Variants in SHISA9 observed in about 807,000 individuals in gnomAD.
The protein encoded by SHISA9 is shisa family member 9.
Under a neutral mutation model 38.0 loss-of-function variants are expected in SHISA9, and 13 were observed. The ratio of observed to expected loss-of-function variants is 0.34; its 90% CI spans 0.22 to 0.54. The LOEUF (loss-of-function observed/expected upper bound fraction) is 0.54, where lower values mean the gene tolerates loss of function less well. Among genes scored for constraint, SHISA9 ranks in the 20% least tolerant of loss-of-function variants. The probability of loss-of-function intolerance (pLI) is 0.91; values close to 1 mark genes in which losing one functional copy is unlikely to be tolerated. For missense variants in SHISA9, 538 were observed against 575.8 expected (o/e 0.93, Z 0.67); for synonymous variants, 275 against 242.0 (o/e 1.14, Z -1.27).
chr16:13,422,898 C>G, the SHISA9 span, among the ~76,000 whole-genome samples: 2 of 152,160 alleles, frequency 1.3e-5, no homozygotes, highest in African/African-American at 4.8e-5. Flanking sequence ...CACGTGAGAG[C>G]TAAGATTCCT....
At chr16:12,905,010 GC>G (rs1248854527) in intron 1 of SHISA9, among the ~76,000 whole-genome samples, 1 of 152,116 alleles carries the variant, frequency 6.6e-6, no homozygotes, top group Non-Finnish European at 1.5e-5. Context: ...GAGCCACTGT[GC>G]CCGATTGCAT....
At chr16:13,382,012 A>G in the SHISA9 span, among the ~76,000 whole-genome samples, 2 of 152,228 alleles carry the variant, frequency 1.3e-5, no homozygotes, top group African/African-American at 4.8e-5. Context: ...TTAAAATGTG[A>G]TATGTTAAAC....
At chr16:13,089,383 C>T (rs2073749523) in intron 2 of SHISA9, among the ~76,000 whole-genome samples, 1 of 152,212 alleles carries the variant, frequency 6.6e-6, no homozygotes, top group East Asian at 1.9e-4. Context: ...ATGGTACCAG[C>T]TCCTCTTTGT....
At chr16:13,492,368 G>C in the SHISA9 span, among the ~76,000 whole-genome samples, 1 of 152,062 alleles carries the variant, frequency 6.6e-6, no homozygotes, top group Non-Finnish European at 1.5e-5. Context: ...AGAGCCTCTG[G>C]GTCACTTTGA....
At chr16:13,362,987 T>C in the SHISA9 span, among the ~76,000 whole-genome samples, 1 of 152,208 alleles carries the variant, frequency 6.6e-6, no homozygotes, top group African/African-American at 2.4e-5. Context: ...CTGCTGCACT[T>C]GTGTTAGTAT....
the SHISA9 span, among the ~76,000 whole-genome samples, chr16:13,285,462 GTTTT>G: frequency 5.2e-5 from 5 of 95,784 alleles, no homozygotes; most frequent in Non-Finnish European, 7.9e-5. Flanking sequence ...TTCAGGTGTA[GTTTT>G]TTTTTTTTTT....
chr16:13,512,161 A>T, the SHISA9 span, among the ~76,000 whole-genome samples: 1 of 152,200 alleles, frequency 6.6e-6, no homozygotes, highest in African/African-American at 2.4e-5. Context: ...AAGCTCAAGA[A>T]TATTTATAGA....
Position 13,090,459 on chromosome 16 carries a change from G to A in SHISA9, c.692-112935G>A, listed in dbSNP as rs1198693417. On this transcript the variant is annotated intron_variant, in intron 2 of 4. Coordinates refer to ENST00000558583, the MANE Select transcript of SHISA9 (RefSeq NM_001145204.3). ...TCGACATCTCTTTGTAGGTCTCTAAGGACTTGCTTTATGAATCTGGGTGCT... is the reference window on the plus strand; with the variant it reads ...TCGACATCTCTTTGTAGGTCTCTAAAGACTTGCTTTATGAATCTGGGTGCT... Among the ~76,000 whole-genome samples the A allele has an allele frequency of 2.0e-5, 3 of 152,118 alleles. No homozygotes were observed. In the East Asian group the frequency reaches 5.8e-4, roughly 29 times the overall value.
At chr16:13,476,040 C>G in the SHISA9 span, among the ~76,000 whole-genome samples, 1 of 152,208 alleles carries the variant, frequency 6.6e-6, no homozygotes, top group Non-Finnish European at 1.5e-5. Flanking sequence ...TAACAGGCTA[C>G]AGACTACCAC....
At chr16:13,047,867 G>T (rs1240423365) in intron 2 of SHISA9, among the ~76,000 whole-genome samples, 1 of 152,114 alleles carries the variant, frequency 6.6e-6, no homozygotes, top group African/African-American at 2.4e-5. Context: ...ATTATCTCAT[G>T]GGATCATTAC....
At chr16:13,173,153 GCACACA>G (rs10589865) in intron 2 of SHISA9, among the ~76,000 whole-genome samples, 2,698 of 150,766 alleles carry the variant, frequency 0.018, 42 homozygotes, top group Non-Finnish European at 0.027. Flanking sequence ...ATGCACGTGC[GCACACA>G]CACACACACA....
At chr16:13,533,380 T>C in the SHISA9 span, among the ~76,000 whole-genome samples, 1 of 152,232 alleles carries the variant, frequency 6.6e-6, no homozygotes, top group African/African-American at 2.4e-5. Flanking sequence ...CCAAGCTTAC[T>C]GGCCTCTCCT....
chr16:13,292,598 C>T, the SHISA9 span, among the ~76,000 whole-genome samples: 2 of 152,044 alleles, frequency 1.3e-5, no homozygotes, highest in Non-Finnish European at 2.9e-5. Flanking sequence ...GCCCAAGTCC[C>T]TGAAATCCAG....
chr16:13,445,367 G>C, the SHISA9 span, among the ~76,000 whole-genome samples: 2 of 152,144 alleles, frequency 1.3e-5, no homozygotes, highest in Non-Finnish European at 2.9e-5. Context: ...TAGATGTTAA[G>C]CTTTGTGGAG....
At chr16:13,292,164 G>A in the SHISA9 span, among the ~76,000 whole-genome samples, 4 of 151,950 alleles carry the variant, frequency 2.6e-5, no homozygotes, top group East Asian at 7.8e-4. Context: ...ACTAGGAAAA[G>A]CCAAAGATGA....
At chr16:13,098,938 G>A (rs557021408) in intron 2 of SHISA9, among the ~76,000 whole-genome samples, 1 of 152,342 alleles carries the variant, frequency 6.6e-6, no homozygotes, top group East Asian at 1.9e-4. Flanking sequence ...AAAGGGATGA[G>A]TCATTAGTTA....
intron 2 of SHISA9, among the ~76,000 whole-genome samples, chr16:13,148,068 G>C (rs546465211): frequency 1.1e-4 from 17 of 152,144 alleles, no homozygotes; most frequent in Non-Finnish European, 2.2e-4. Flanking sequence ...GGGTGCTCAG[G>C]ACTCTGCAAC....
At chr16:12,905,812 G>A (rs937360705) in intron 1 of SHISA9, among the ~76,000 whole-genome samples, 5 of 152,096 alleles carry the variant, frequency 3.3e-5, no homozygotes, top group African/African-American at 1.2e-4. Flanking sequence ...GGTTGGCCAG[G>A]CTGGTCTCGA....
the SHISA9 span, among the ~76,000 whole-genome samples, chr16:13,260,478 A>G: frequency 6.6e-6 from 1 of 152,132 alleles, no homozygotes; most frequent in African/African-American, 2.4e-5. Flanking sequence ...ATCTTTTTCA[A>G]GTTCAAAATT....
Sources: allele counts gnomAD v4.1 joint callset (sites outside exome capture counted in the v4.1 genomes callset), GRCh38; gene constraint gnomAD v4.1.1; transcripts MANE v1.5; gene names NCBI Gene and HGNC (gene_info 2026-07-23, HGNC 2026-07-21).